CDH12: variants seen among roughly 807,000 people sequenced by gnomAD.
CDH12 encodes the protein cadherin-12.
In CDH12, 41 loss-of-function variants were observed where a neutral mutation model predicts 74.1. The ratio of observed to expected loss-of-function variants is 0.55; its 90% CI spans 0.43 to 0.72. The LOEUF is 0.72. CDH12 is among the 30% of genes least tolerant of loss of function. The pLI, the probability that CDH12 is intolerant of heterozygous loss-of-function variation, is 0.00. For missense variants in CDH12, 945 were observed against 977.2 expected, an observed-to-expected ratio of 0.97 and a Z score of 0.44; for synonymous variants, 399 against 355.0, an observed-to-expected ratio of 1.12 and a Z score of -1.39.
At position 22,575,072 on chromosome 5, in the gene CDH12, G is replaced by A. The variant is rs114038578; in HGVS notation, c.-522-69708C>T. 5.4e-4 allele frequency among the ~76,000 whole-genome samples: 82 copies of A among 152,254 alleles called. No homozygotes were observed. The East Asian group carries it at 8.9e-3, about 17-fold the overall frequency. ...TTCATAATGAGTGAAATATTGGCCA[G>A]CTCTATCTAGGACAGCAGGTAGAAA... is the stretch of plus-strand genomic sequence containing the variant. On this transcript the variant is annotated intron_variant, in intron 1 of 14. Coordinates refer to ENST00000382254, the MANE Select transcript of CDH12 (RefSeq NM_004061.5).
At chr5:22,149,609 TAG>T in intron 4 of CDH12, among the ~76,000 whole-genome samples, 1 of 152,338 alleles carries the variant, frequency 6.6e-6, no homozygotes, top group African/African-American at 2.4e-5. Flanking sequence ...TGAGTTTCAG[TAG>T]AGTCTCTATA....
intron 4 of CDH12, among the ~76,000 whole-genome samples, chr5:22,107,480 G>A (rs561469072): frequency 1.4e-5 from 2 of 146,308 alleles, no homozygotes; most frequent in Admixed American, 6.9e-5. Context: ...ATATACATAC[G>A]TATGTATATA....
chr5:22,671,448 A>G (rs1740894685), intron 1 of CDH12, among the ~76,000 whole-genome samples: 1 of 152,146 alleles, frequency 6.6e-6, no homozygotes, highest in South Asian at 2.1e-4. Flanking sequence ...TGGCACTTGG[A>G]ATAGGGTATT....
At position 22,255,795 on chromosome 5, in the gene CDH12, AATG is replaced by A. The variant is rs1332398075; in HGVS notation, c.-332-43155_-332-43153del. Among the ~76,000 whole-genome samples the A allele has an allele frequency of 7.2e-5, 11 of 152,094 alleles. No homozygotes were observed. In the East Asian group the frequency reaches 9.7e-4, roughly 13 times the overall value. Reference sequence around the variant, plus strand: ...ATACTAAAATTAAGTTTTTTAAAAAAATGATATCTAGGAAGAAGCTGGTTATAC... The same window carrying A: ...ATACTAAAATTAAGTTTTTTAAAAAAATATCTAGGAAGAAGCTGGTTATAC... On this transcript the variant is annotated intron_variant, in intron 3 of 14. Transcript: ENST00000382254.
At chr5:22,276,709 T>C (rs1448777911) in intron 3 of CDH12, among the ~76,000 whole-genome samples, 2 of 152,198 alleles carry the variant, frequency 1.3e-5, no homozygotes, top group African/African-American at 4.8e-5. Flanking sequence ...TTTTTTGAGA[T>C]GGTGTCTCAT....
At chr5:21,823,117 T>C (rs1217754321) in intron 8 of CDH12, among the ~76,000 whole-genome samples, 1 of 152,130 alleles carries the variant, frequency 6.6e-6, no homozygotes, top group African/African-American at 2.4e-5. Flanking sequence ...AGTGTTTTTC[T>C]TGATGGCATT....
intron 4 of CDH12, among the ~76,000 whole-genome samples, chr5:22,179,034 A>G (rs1012136231): frequency 6.6e-6 from 1 of 152,232 alleles, no homozygotes; most frequent in African/African-American, 2.4e-5. Flanking sequence ...CATCTGGAAT[A>G]CAAGGGTGAT....
chr5:21,933,766 G>A (rs1754950356), intron 6 of CDH12, among the ~76,000 whole-genome samples: 1 of 152,110 alleles, frequency 6.6e-6, no homozygotes, highest in Non-Finnish European at 1.5e-5. Context: ...AGATATCTAG[G>A]GGAGAAATTT....
At chr5:22,392,816 G>T (rs748037018) in intron 3 of CDH12, among the ~76,000 whole-genome samples, 1 of 152,178 alleles carries the variant, frequency 6.6e-6, no homozygotes, top group Non-Finnish European at 1.5e-5. Context: ...TACAAAGATA[G>T]ATAGAGTATA....
chr5:22,743,276 ATATATGTATATATATG>A (rs1254101948), intron 1 of CDH12, among the ~76,000 whole-genome samples: 3 of 146,462 alleles, frequency 2.0e-5, no homozygotes, highest in East Asian at 2.0e-4. Context: ...ATATATATAT[ATATATGTATATATATG>A]TATATGTATA....
intron 4 of CDH12, among the ~76,000 whole-genome samples, chr5:22,114,023 G>A (rs1299001126): frequency 6.6e-6 from 1 of 152,152 alleles, no homozygotes; most frequent in African/African-American, 2.4e-5. Flanking sequence ...CAGCTGGCTT[G>A]GAGTTTCCAC....
chr5:22,000,709 A>C (rs552295691), intron 5 of CDH12, among the ~76,000 whole-genome samples: 1 of 152,266 alleles, frequency 6.6e-6, no homozygotes, highest in Admixed American at 6.5e-5. Context: ...AGATTATTAC[A>C]TTCTGTCTTC....
intron 5 of CDH12, among the ~76,000 whole-genome samples, chr5:21,975,987 T>C (rs1382749695): frequency 1.3e-5 from 2 of 151,978 alleles, no homozygotes; most frequent in African/African-American, 2.4e-5. Context: ...CAGTGGGAGA[T>C]AGTGCAAAGG....
intron 1 of CDH12, among the ~76,000 whole-genome samples, chr5:22,554,008 TA>T (rs1433277467): frequency 3.9e-5 from 6 of 152,216 alleles, no homozygotes; most frequent in African/African-American, 1.4e-4. Flanking sequence ...AAAGTGGGTC[TA>T]AAGCACATAT....
intron 4 of CDH12, among the ~76,000 whole-genome samples, chr5:22,087,463 A>G (rs1743144232): frequency 6.6e-6 from 1 of 152,074 alleles, no homozygotes; most frequent in East Asian, 1.9e-4. Flanking sequence ...AACATGGTGA[A>G]ACCCTGTCTC....
rs374945552 is a variant in CDH12, at chr5:22,473,964, C to T, written c.-428+31306G>A. Among the ~76,000 whole-genome samples, 5 of 152,186 alleles carry T rather than the reference C, an allele frequency of 3.3e-5. No individual in the cohort carries two copies. In the South Asian group the frequency reaches 1.0e-3, roughly 31 times the overall value. ...CCTGAGACATAGATAATTTGAATAA[C>T]TGGCCCAATGTGATACAACCATTAA... is the stretch of plus-strand genomic sequence containing the variant. On this transcript the variant is annotated intron_variant, in intron 2 of 14. Transcript: ENST00000382254.
At position 22,559,497 on chromosome 5, in the gene CDH12, G is replaced by A. The variant is rs562009085; in HGVS notation, c.-522-54133C>T. Among the ~76,000 whole-genome samples the A allele has an allele frequency of 3.4e-4, 52 of 152,102 alleles. No homozygotes were observed. In the South Asian group the frequency reaches 0.011, roughly 31 times the overall value. On this transcript the variant is annotated intron_variant, in intron 1 of 14. Transcript: ENST00000382254. ...ATGCACATTTTCTATACAAAATTAT[G>A]TAAGCCATTTTGGAAGAGTGCTATG...
rs147341122 is a variant in CDH12 at position 22,156,113 on chromosome 5, C to T, written c.-187+56385G>A. On this transcript the variant is annotated intron_variant, in intron 4 of 14. Transcript: ENST00000382254. ...TATTCTATTCCTGTTTTCACTTATG[C>T]GTTCACTAAGAATGATGAAAGTGGG... Among the ~76,000 whole-genome samples the T allele has an allele frequency of 9.6e-3, 1,465 of 152,214 alleles. 25 individuals carry two copies. Among genetic ancestry groups the T allele is most frequent in the African/African-American group, 0.034 (1,406 of 41,534 alleles).
chr5:22,842,883 C>T (rs1737141109), intron 1 of CDH12, among the ~76,000 whole-genome samples: 1 of 151,864 alleles, frequency 6.6e-6, no homozygotes, highest in South Asian at 2.1e-4. Context: ...AGCAATAAGC[C>T]AAAGGAAAAG....
Sources: allele counts gnomAD v4.1 joint callset (sites outside exome capture counted in the v4.1 genomes callset), GRCh38; gene constraint gnomAD v4.1.1; transcripts MANE v1.5; gene names NCBI Gene and HGNC (gene_info 2026-07-23, HGNC 2026-07-21).